MACROD2: variants seen among roughly 807,000 people sequenced by gnomAD.
MACROD2 encodes mono-ADP ribosylhydrolase 2, also known as ADP-ribose glycohydrolase MACROD2.
In MACROD2, 36 loss-of-function variants were observed where a neutral mutation model predicts 70.4. The observed-to-expected ratio is 0.51, with a 90% CI of 0.39 to 0.68. The LOEUF (loss-of-function observed/expected upper bound fraction) is 0.68, where lower values mean the gene tolerates loss of function less well. MACROD2 is among the 30% of genes least tolerant of loss of function. The probability of loss-of-function intolerance (pLI) is 0.00; values close to 1 mark genes in which losing one functional copy is unlikely to be tolerated. For missense variants in MACROD2, 496 were observed against 538.4 expected (o/e 0.92, Z 0.78); for synonymous variants, 172 against 178.8 (o/e 0.96, Z 0.30).
intron 2 of MACROD2, among the ~76,000 whole-genome samples, chr20:14,062,565 G>A (rs2053703040): frequency 6.6e-6 from 1 of 152,174 alleles, no homozygotes; most frequent in African/African-American, 2.4e-5. Flanking sequence ...GACATTTGAT[G>A]AGATCAAGGT....
intron 8 of MACROD2, among the ~76,000 whole-genome samples, chr20:15,830,267 C>G (rs1489388834): frequency 6.6e-6 from 1 of 152,166 alleles, no homozygotes; most frequent in Non-Finnish European, 1.5e-5. Flanking sequence ...AAGAGGCATC[C>G]ACAGCATACA....
intron 8 of MACROD2, among the ~76,000 whole-genome samples, chr20:15,861,506 C>T (rs1301762760): frequency 6.6e-6 from 1 of 151,828 alleles, no homozygotes; most frequent in African/African-American, 2.4e-5. Flanking sequence ...TTCCATTTCC[C>T]GTTTCCCTTA....
chr20:15,603,026 T>G (rs931667499), intron 8 of MACROD2, among the ~76,000 whole-genome samples: 1 of 152,060 alleles, frequency 6.6e-6, no homozygotes, highest in Admixed American at 6.6e-5. Context: ...TGAGGGCATG[T>G]GAGGGGGAGG....
At chr20:14,551,429 T>C (rs1256851750) in intron 4 of MACROD2, among the ~76,000 whole-genome samples, 2 of 152,226 alleles carry the variant, frequency 1.3e-5, no homozygotes, top group African/African-American at 2.4e-5. Flanking sequence ...TGGAATCAGA[T>C]GTAGAACATG....
chr20:14,281,322 G>A (rs921951929), intron 3 of MACROD2, among the ~76,000 whole-genome samples: 1 of 152,072 alleles, frequency 6.6e-6, no homozygotes, highest in African/African-American at 2.4e-5. Context: ...AGACACAAAA[G>A]GTAACATATT....
In MACROD2 at chr20:15,844,147, G is replaced by A. The variant is rs13037373; in HGVS notation, c.646-18598G>A. The stretch of plus-strand genomic sequence containing the variant: ...AACATGTAAATGTTTTGCTGCTGTT[G>A]CCAATAAAGGGACTGACAGAATCAC... On this transcript the variant is annotated intron_variant, in intron 8 of 17. Coordinates refer to ENST00000684519, the MANE Select transcript of MACROD2 (RefSeq NM_001351661.2). Among the ~76,000 whole-genome samples the A allele has an allele frequency of 9.7e-3, 1,470 of 152,100 alleles. 18 individuals carry two copies. The highest frequency in any genetic ancestry group is 0.015 in the Non-Finnish European group (1,053 of 67,986).
At chr20:15,228,329 A>G (rs191550074) in intron 5 of MACROD2, among the ~76,000 whole-genome samples, 5 of 152,240 alleles carry the variant, frequency 3.3e-5, no homozygotes, top group Admixed American at 3.3e-4. Flanking sequence ...CTTTGATCAC[A>G]TGAGATGAGC....
At chr20:14,957,135 CA>C in intron 5 of MACROD2, among the ~76,000 whole-genome samples, 3 of 147,428 alleles carry the variant, frequency 2.0e-5, no homozygotes, top group East Asian at 2.2e-4. Flanking sequence ...AGTGAGCACA[CA>C]ATTTTTTTTT....
intron 5 of MACROD2, among the ~76,000 whole-genome samples, chr20:15,137,237 C>T (rs1256341142): frequency 6.6e-6 from 1 of 151,668 alleles, no homozygotes; most frequent in Non-Finnish European, 1.5e-5. Context: ...GTAAATCATG[C>T]TGCTATAAAG....
chr20:15,986,089 T>C, intron 13 of MACROD2: 1 of 152,244 alleles, frequency 6.6e-6, no homozygotes, highest in African/African-American at 2.4e-5. Context: ...TATGAGTTGA[T>C]TTTTAACTAC....
intron 3 of MACROD2, among the ~76,000 whole-genome samples, chr20:14,464,108 G>A (rs1409557151): frequency 1.3e-5 from 2 of 152,032 alleles, no homozygotes; most frequent in Non-Finnish European, 2.9e-5. Context: ...CAGAAGGAAT[G>A]GTACCAGTTC....
At chr20:15,109,609 G>A (rs1281942820) in intron 5 of MACROD2, among the ~76,000 whole-genome samples, 2 of 152,140 alleles carry the variant, frequency 1.3e-5, no homozygotes, top group Non-Finnish European at 2.9e-5. Flanking sequence ...CAGTGCTAAG[G>A]TAGGGGATTA....
intron 1 of MACROD2, chr20:13,996,214 G>T (rs1785418900): frequency 4.4e-6 from 1 of 225,876 alleles, no homozygotes; most frequent in South Asian, 7.6e-5. Flanking sequence ...GCCCGTCGGC[G>T]GGCGCTCAGG....
chr20:15,451,203 T>A (rs906182351), intron 7 of MACROD2, among the ~76,000 whole-genome samples: 1 of 152,004 alleles, frequency 6.6e-6, no homozygotes, highest in African/African-American at 2.4e-5. Context: ...AACATCTCAG[T>A]GGGAGTCAGA....
intron 5 of MACROD2, chr20:14,904,929 A>G (rs2073940859): frequency 6.6e-6 from 1 of 152,188 alleles, no homozygotes. Context: ...TAGATAGGAA[A>G]TAGCTGGCTG....
intron 3 of MACROD2, among the ~76,000 whole-genome samples, chr20:14,260,681 A>G (rs1005704131): frequency 3.9e-5 from 6 of 152,224 alleles, no homozygotes; most frequent in Admixed American, 2.0e-4. Context: ...TTTAAATCAT[A>G]TATCTATCAT....
intron 8 of MACROD2, among the ~76,000 whole-genome samples, chr20:15,819,306 T>C (rs2063911305): frequency 7.1e-6 from 1 of 141,604 alleles, no homozygotes; most frequent in Non-Finnish European, 1.5e-5. Flanking sequence ...AGTATATAAA[T>C]ATATATACTT....
chr20:15,687,317 C>T (rs150590937), intron 8 of MACROD2, among the ~76,000 whole-genome samples: 4 of 150,742 alleles, frequency 2.7e-5, no homozygotes, highest in South Asian at 2.1e-4. Flanking sequence ...ATATATATAT[C>T]GCATAGTGCT....
intron 10 of MACROD2, among the ~76,000 whole-genome samples, chr20:15,925,636 T>G (rs2065477165): frequency 6.6e-6 from 1 of 152,190 alleles, no homozygotes; most frequent in South Asian, 2.1e-4. Flanking sequence ...AGGTATTTGT[T>G]GAGCTCCTTA....
Sources: allele counts gnomAD v4.1 joint callset (sites outside exome capture counted in the v4.1 genomes callset), GRCh38; gene constraint gnomAD v4.1.1; transcripts MANE v1.5; gene names NCBI Gene and HGNC (gene_info 2026-07-23, HGNC 2026-07-21).